CLVS1: variants seen among roughly 807,000 people sequenced by gnomAD.
The protein encoded by CLVS1 is clavesin 1.
In CLVS1, 10 loss-of-function variants were observed where a neutral mutation model predicts 33.1. That is an observed-to-expected ratio of 0.30 (90% CI 0.19 to 0.51). CLVS1 has a LOEUF of 0.51. Among genes scored for constraint, CLVS1 ranks in the 20% least tolerant of loss-of-function variants. The pLI is 0.97. For missense variants in CLVS1, 343 were observed against 433.4 expected (o/e 0.79, Z 1.85); for synonymous variants, 163 against 166.1 (o/e 0.98, Z 0.14).
Position 61,483,131 on chromosome 8 carries a change from C to CA in CLVS1, c.978-16318dup, listed in dbSNP as rs534278141. Among the ~76,000 whole-genome samples, 1,200 of 152,154 alleles carry CA rather than the reference C, an allele frequency of 7.9e-3. 19 individuals carry two copies. The highest frequency in any genetic ancestry group is 0.028 in the African/African-American group (1,145 of 41,494). Reference sequence around the variant, plus strand: ...GGCGATAGAGACACAAAAGATCCTTCAAAAAATCAATGAATCCAGGAGCTG... The same window carrying CA: ...GGCGATAGAGACACAAAAGATCCTTCAAAAAAATCAATGAATCCAGGAGCTG... On this transcript the variant is annotated intron_variant, in intron 5 of 5. Transcript: ENST00000325897.
chr8:61,082,601 G>T (rs1781970275), intron 1 of CLVS1, among the ~76,000 whole-genome samples: 1 of 152,182 alleles, frequency 6.6e-6, no homozygotes. Flanking sequence ...GTGGTAGGAG[G>T]GTGGGGAAAT....
rs144156313 is a variant in CLVS1 at position 61,065,239 on chromosome 8, C to T, written c.-243+8009C>T. Among the ~76,000 whole-genome samples the T allele has an allele frequency of 1.6e-3, 250 of 152,276 alleles. 1 individual carries two copies. Among genetic ancestry groups the T allele is most frequent in the African/African-American group, 5.8e-3 (239 of 41,542 alleles). ...CTTCCAGATTCCTTATAATACCTAA[C>T]ACAATGTATTAGATAATGTAAATAG... is the stretch of plus-strand genomic sequence containing the variant. On this transcript the variant is annotated intron_variant, in intron 1 of 2. Coordinates refer to the CLVS1 transcript ENST00000522621.
chr8:61,483,506 C>T (rs1005762448), intron 5 of CLVS1, among the ~76,000 whole-genome samples: 1 of 152,172 alleles, frequency 6.6e-6, no homozygotes, highest in African/African-American at 2.4e-5. Flanking sequence ...TGAATTCTAC[C>T]AGAGGTACAA....
At chr8:61,306,511 C>T (rs1223346982) in intron 2 of CLVS1, among the ~76,000 whole-genome samples, 1 of 152,184 alleles carries the variant, frequency 6.6e-6, no homozygotes, top group Non-Finnish European at 1.5e-5. Context: ...TTGATAGTTT[C>T]TTTTGCTGTA....
chr8:61,190,952 A>G (rs929527537), intron 2 of CLVS1, among the ~76,000 whole-genome samples: 4 of 152,258 alleles, frequency 2.6e-5, no homozygotes, highest in Admixed American at 6.5e-5. Flanking sequence ...GGTACAACGA[A>G]GAGCTGGTAC....
chr8:61,135,769 C>T (rs935396923), intron 2 of CLVS1, among the ~76,000 whole-genome samples: 3 of 152,178 alleles, frequency 2.0e-5, no homozygotes, highest in South Asian at 2.1e-4. Flanking sequence ...CGTGCAGAAT[C>T]GGTGAGTAGA....
intron 1 of CLVS1, among the ~76,000 whole-genome samples, chr8:61,103,828 G>A (rs1805489218): frequency 6.6e-6 from 1 of 152,194 alleles, no homozygotes; most frequent in African/African-American, 2.4e-5. Context: ...CTTTAGGCAA[G>A]GGCTTGCTTA....
At chr8:61,059,708 G>C (rs549298692) in intron 1 of CLVS1, among the ~76,000 whole-genome samples, 24 of 151,330 alleles carry the variant, frequency 1.6e-4, no homozygotes, top group Admixed American at 4.6e-4. Flanking sequence ...CTACTCGGGA[G>C]GCTGAGGCAG....
chr8:61,077,864 C>T (rs1008389578), intron 1 of CLVS1, among the ~76,000 whole-genome samples: 1 of 152,144 alleles, frequency 6.6e-6, no homozygotes, highest in Non-Finnish European at 1.5e-5. Context: ...TGGGGGCCCG[C>T]TGCTCTGCAA....
the CLVS1 span, among the ~76,000 whole-genome samples, chr8:61,000,028 G>C: frequency 6.6e-6 from 1 of 152,204 alleles, no homozygotes; most frequent in Non-Finnish European, 1.5e-5. Context: ...AAGTGAGGAA[G>C]AGCTGCATCT....
intron 2 of CLVS1, among the ~76,000 whole-genome samples, chr8:61,316,345 G>A (rs140528249): frequency 1.6e-4 from 24 of 152,260 alleles, no homozygotes; most frequent in Non-Finnish European, 3.1e-4. Flanking sequence ...ATGTAGACAC[G>A]TGCATTTGGT....
chr8:61,025,285 G>A, the CLVS1 span, among the ~76,000 whole-genome samples: 2 of 152,164 alleles, frequency 1.3e-5, no homozygotes, highest in African/African-American at 4.8e-5. Flanking sequence ...GAAAAAAGTT[G>A]CCAGACTGGA....
At chr8:61,298,085 G>A (rs1206978719) in intron 1 of CLVS1, among the ~76,000 whole-genome samples, 11 of 152,172 alleles carry the variant, frequency 7.2e-5, no homozygotes, top group African/African-American at 2.4e-4. Flanking sequence ...TGATCAGTGT[G>A]AATAGTTTCA....
the CLVS1 span, among the ~76,000 whole-genome samples, chr8:61,002,072 A>T: frequency 6.6e-6 from 1 of 151,636 alleles, no homozygotes; most frequent in Non-Finnish European, 1.5e-5. Context: ...TCCGCCTCTC[A>T]GGCTCTAGCA....
intron 5 of CLVS1, among the ~76,000 whole-genome samples, chr8:61,492,843 C>A (rs760115843): frequency 4.6e-5 from 7 of 152,124 alleles, no homozygotes; most frequent in Non-Finnish European, 1.0e-4. Flanking sequence ...TTATCGGGTT[C>A]AGTAAACATT....
intron 1 of CLVS1, among the ~76,000 whole-genome samples, chr8:61,078,938 G>A (rs1042776956): frequency 1.3e-5 from 2 of 152,148 alleles, no homozygotes; most frequent in African/African-American, 2.4e-5. Context: ...AATTATCCCA[G>A]TGAGAGTATA....
chr8:61,256,107 A>T (rs1430861177), intron 2 of CLVS1, among the ~76,000 whole-genome samples: 1 of 152,148 alleles, frequency 6.6e-6, no homozygotes, highest in Non-Finnish European at 1.5e-5. Context: ...CCCATAAAAC[A>T]ATAACTCCCA....
intron 3 of CLVS1, among the ~76,000 whole-genome samples, chr8:61,390,804 T>C (rs1366779241): frequency 6.6e-6 from 1 of 152,248 alleles, no homozygotes; most frequent in Non-Finnish European, 1.5e-5. Context: ...TAACATTTTA[T>C]CTCATCACAA....
At chr8:61,389,517 T>G (rs1413426829) in intron 3 of CLVS1, among the ~76,000 whole-genome samples, 1 of 151,294 alleles carries the variant, frequency 6.6e-6, no homozygotes, top group Non-Finnish European at 1.5e-5. Flanking sequence ...CACTCCAGCC[T>G]GGGCGACTCC....
Sources: gnomAD v4.1 joint callset for allele counts (sites outside exome capture counted in the v4.1 genomes callset) on GRCh38, gnomAD v4.1.1 for gene constraint, MANE v1.5 for transcripts, NCBI Gene and HGNC (gene_info 2026-07-23, HGNC 2026-07-21) for gene names.